Variants in KLK6 observed in about 807,000 individuals in gnomAD.
The protein encoded by KLK6 is kallikrein-6.
Under a neutral mutation model 21.7 loss-of-function variants are expected in KLK6, and 16 were observed. That is an observed-to-expected ratio of 0.74 (90% CI 0.50 to 1.12). The LOEUF (loss-of-function observed/expected upper bound fraction) is 1.12, where lower values mean the gene tolerates loss of function less well. Among genes scored for constraint, KLK6 ranks in the 50% most tolerant of loss-of-function variants. The probability of loss-of-function intolerance (pLI) is 0.00; values close to 1 mark genes in which losing one functional copy is unlikely to be tolerated. For synonymous variants in KLK6, 116 were observed against 120.1 expected (o/e 0.97, Z 0.22); for missense variants, 276 against 304.6 (o/e 0.91, Z 0.70).
chr19:50,961,682 C>T, intron 6 of KLK6, 62 bp downstream of exon 6: 1 of 1,579,400 alleles, frequency 6.3e-7, no homozygotes, highest in East Asian at 2.2e-5. Flanking sequence ...CTGTGTCTGG[C>T]CATGTTTTTG....
chr19:50,960,025 AGGAGGG>A (rs1171888007), intron 6 of KLK6, among the ~76,000 whole-genome samples: 175 of 93,688 alleles, frequency 1.9e-3, no homozygotes, highest in Non-Finnish European at 2.9e-3. Context: ...AAGGAGGAGG[AGGAGGG>A]GGAAGACGAG....
At chr19:50,964,025 A>G (rs144971399) in intron 4 of KLK6, among the ~76,000 whole-genome samples, 3 of 152,192 alleles carry the variant, frequency 2.0e-5, no homozygotes, top group Non-Finnish European at 4.4e-5. Flanking sequence ...AAAGTTCTCA[A>G]CGTGGCACAC....
At chr19:50,961,468 G>C (rs1049072115) in intron 6 of KLK6, among the ~76,000 whole-genome samples, 1 of 152,234 alleles carries the variant, frequency 6.6e-6, no homozygotes, top group African/African-American at 2.4e-5. Flanking sequence ...CGCTGCTCCT[G>C]GCCTCTCTGG....
chr19:50,968,653 C>T (rs1434047183), intron 1 of KLK6, 62 bp from the exon 2 acceptor site: 1 of 165,016 alleles, frequency 6.1e-6, no homozygotes, highest in Non-Finnish European at 1.3e-5. Flanking sequence ...AGAAGACACT[C>T]AGATGCAGTG....
intron 4 of KLK6, among the ~76,000 whole-genome samples, chr19:50,965,451 A>AT (rs758694431): frequency 2.0e-5 from 3 of 151,332 alleles, no homozygotes; most frequent in Non-Finnish European, 2.9e-5. Flanking sequence ...CGCCTGGCTA[A>AT]TTTTTTGTAT....
chr19:50,967,418 AGTGGC>A, intron 3 of KLK6, 93 bp from the exon 4 acceptor site: 1 of 1,255,408 alleles, frequency 8.0e-7, no homozygotes, highest in African/African-American at 1.5e-5. Flanking sequence ...GGTCAGGTGC[AGTGGC>A]TTATGCCTGT....
intron 6 of KLK6, among the ~76,000 whole-genome samples, chr19:50,959,767 AAG>A (rs2090785235): frequency 4.8e-4 from 2 of 4,124 alleles, no homozygotes; most frequent in Non-Finnish European, 7.4e-4. Flanking sequence ...GGAAGAGGAG[AAG>A]GAGGAGGAGG....
At position 50,968,112 on chromosome 19, in the gene KLK6, C is replaced by G. The variant is rs1476146206; in HGVS notation, c.-8G>C. 8 of 1,614,032 alleles carry G rather than the reference C, an allele frequency of 5.0e-6. No individual in the cohort carries two copies. The highest frequency in any genetic ancestry group is 6.8e-6 in the Non-Finnish European group (8 of 1,179,950). ...CACCATCAGCTTCTTCATGGCCGCT[C>G]CTGAGAGGGGAAGCCACATGGTCCA... is the stretch of plus-strand genomic sequence containing the variant. On this transcript the variant is annotated splice_region_variant and 5_prime_UTR_variant, in exon 3 of 7. Coordinates refer to ENST00000310157, the MANE Select transcript of KLK6 (RefSeq NM_002774.4).
intron 3 of KLK6, 31 bp from the exon 4 acceptor site, chr19:50,967,356 A>G: frequency 6.4e-7 from 1 of 1,564,338 alleles, no homozygotes. Flanking sequence ...GTCAGAGAGG[A>G]GTTCTGGAGA....
At chr19:50,965,331 C>G (rs974119414) in intron 4 of KLK6, among the ~76,000 whole-genome samples, 1 of 151,264 alleles carries the variant, frequency 6.6e-6, no homozygotes, top group African/African-American at 2.4e-5. Context: ...GTGGTTCAGG[C>G]TGGAGTGCAG....
At chr19:50,961,963 TC>T in intron 5 of KLK6, 83 bp from the exon 6 acceptor site, 1 of 1,438,428 alleles carries the variant, frequency 7.0e-7, no homozygotes, top group South Asian at 1.4e-5. Flanking sequence ...CCCCTATAAG[TC>T]CTCCATCCTC....
At position 50,958,889 on chromosome 19, in the gene KLK6, G is replaced by T. The variant is rs1289273620; in HGVS notation, c.*275C>A. ...AAGAAATCAAACGTGTGGAAGGGTTGGGGAGAGGAGATGCCTAGAAGGGAT... is the reference window on the plus strand; with the variant it reads ...AAGAAATCAAACGTGTGGAAGGGTTTGGGAGAGGAGATGCCTAGAAGGGAT... On this transcript the variant is annotated 3_prime_UTR_variant, in exon 7 of 7. Transcript: ENST00000310157. 4 of 448,234 alleles carry T rather than the reference G, an allele frequency of 8.9e-6. No homozygotes were observed. The highest frequency in any genetic ancestry group is 7.5e-5 in the Admixed American group (2 of 26,794). 27.8% of individuals were successfully genotyped at this position (448,234 alleles called of 1,614,324 possible). A position where few individuals can be genotyped will look rare whatever the true frequency, so the allele number is the denominator to read the frequency against.
rs533669083 is a variant in KLK6 at position 50,958,824 on chromosome 19, C to A, written c.*340G>T. On this transcript the variant is annotated 3_prime_UTR_variant, in exon 7 of 7. Transcript: ENST00000310157. ...CCAAGGGGACACCGACAGTAAGCAGCGGAGCTGGGATTCCAGACACGTGGC... is the reference window on the plus strand; with the variant it reads ...CCAAGGGGACACCGACAGTAAGCAGAGGAGCTGGGATTCCAGACACGTGGC... 4 of 309,538 alleles carry A rather than the reference C, an allele frequency of 1.3e-5. No homozygotes were observed. The highest frequency in any genetic ancestry group is 2.1e-5 in the African/African-American group (1 of 47,066). 19.2% of individuals were successfully genotyped at this position (309,538 alleles called of 1,614,324 possible).
chr19:50,963,162 C>T (rs1330530789), intron 5 of KLK6, 140 bp downstream of exon 5: 3 of 1,225,918 alleles, frequency 2.4e-6, no homozygotes, highest in African/African-American at 1.5e-5. Context: ...TGACCTTTCT[C>T]CCATTGAAAC....
In KLK6 at chr19:50,963,504, C is replaced by G. The variant is rs771318925; in HGVS notation, c.243G>C (p.Glu81Asp). The G allele has an allele frequency of 2.5e-6, 4 of 1,614,054 alleles. No homozygotes were observed. In the African/African-American group the frequency reaches 4.0e-5, roughly 16 times the overall value. The change falls in exon 5 of 7, where the codon GAG becomes GAC. Residue 81 changes from glutamate to aspartate, a missense_variant. By Grantham distance (45) the Glu-to-Asp change is conservative (BLOSUM62 2). Transcript: ENST00000310157. ...CAACAGAACTCTGCTCCTGGGAACT[C>G]TCCCTTTGCCGAAGGTTATGCTTCC... ...FLGKHNLRQR[E>D]SSQEQSSVVR... is the part of the protein sequence containing the mutation.
chr19:50,959,330 G>A lies in KLK6; in HGVS notation c.583-14C>T. ...CCCAGAATCACCCTGCAGGAAAGAG[G>A]GAGAAAGTCAGATACAGATAGAAAC... On this transcript the variant is annotated splice_polypyrimidine_tract_variant and intron_variant, in intron 6 of 6. Transcript: ENST00000310157. 1 of 1,593,686 alleles carries A rather than the reference G, an allele frequency of 6.3e-7. No individual in the cohort carries two copies. The highest frequency in any genetic ancestry group is 1.4e-5 in the African/African-American group (1 of 73,652).
intron 4 of KLK6, among the ~76,000 whole-genome samples, chr19:50,965,012 G>C (rs890073158): frequency 6.6e-6 from 1 of 152,104 alleles, no homozygotes; most frequent in Non-Finnish European, 1.5e-5. Context: ...AGTCCTTCCT[G>C]ACCCTCCTCC....
rs772064506 is a variant in KLK6, at chr19:50,959,332, A to T, written c.583-16T>A. On this transcript the variant is annotated splice_polypyrimidine_tract_variant and intron_variant, in intron 6 of 6. Coordinates refer to ENST00000310157, the MANE Select transcript of KLK6 (RefSeq NM_002774.4). ...CAGAATCACCCTGCAGGAAAGAGGG[A>T]GAAAGTCAGATACAGATAGAAACCC... The T allele has an allele frequency of 6.2e-7, 1 of 1,611,726 alleles. No individual in the cohort carries two copies. The highest frequency in any genetic ancestry group is 8.5e-7 in the Non-Finnish European group (1 of 1,179,098).
At chr19:50,967,070 C>A in intron 4 of KLK6, 99 bp downstream of exon 4, 1 of 1,365,680 alleles carries the variant, frequency 7.3e-7, no homozygotes, top group Admixed American at 1.7e-5. Context: ...TGGCCTCGTG[C>A]TGGGATGGGG....
Sources: gnomAD v4.1 joint callset for allele counts (sites outside exome capture counted in the v4.1 genomes callset) on GRCh38, gnomAD v4.1.1 for gene constraint, MANE v1.5 for transcripts, NCBI Gene and HGNC (gene_info 2026-07-23, HGNC 2026-07-21) for gene names.